The following SYCE1L variants were observed in gnomAD, a reference collection of about 807,000 sequenced individuals.
SYCE1L encodes the protein synaptonemal complex central element protein 1-like.
Under a neutral mutation model 39.6 loss-of-function variants are expected in SYCE1L, and 51 were observed. That is an observed-to-expected ratio of 1.29 (90% CI 1.03 to 1.63). The LOEUF (loss-of-function observed/expected upper bound fraction) is 1.63. Ranked by LOEUF, SYCE1L falls within the 40% of genes most tolerant of loss-of-function variation. The pLI is 0.00. For missense variants in SYCE1L, 426 were observed against 304.9 expected, an observed-to-expected ratio of 1.40 and a Z score of -2.96; for synonymous variants, 147 against 122.4, an observed-to-expected ratio of 1.20 and a Z score of -1.33.
At chr16:77,207,771 C>T (rs755656030) in intron 2 of SYCE1L, among the ~76,000 whole-genome samples, 66 of 152,246 alleles carry the variant, frequency 4.3e-4, no homozygotes, top group Non-Finnish European at 6.8e-4. Context: ...ACTTTGGACA[C>T]GTGCCTCACC....
In SYCE1L at chr16:77,213,009, G is replaced by C; in HGVS notation, c.*78G>C. Reference sequence around the variant, plus strand: ...AAGGCGATGATTTCCGACCATGCTCGCGTTCTCCGCGGAGTCTGTGCTACA... The same window carrying C: ...AAGGCGATGATTTCCGACCATGCTCCCGTTCTCCGCGGAGTCTGTGCTACA... On this transcript the variant is annotated 3_prime_UTR_variant, in exon 11 of 11. Transcript: ENST00000378644. 1 of 1,374,580 alleles carries C rather than the reference G, an allele frequency of 7.3e-7. No homozygotes were observed. The highest frequency in any genetic ancestry group is 9.6e-7 in the Non-Finnish European group (1 of 1,040,484). 85.1% of individuals were successfully genotyped at this position (1,374,580 alleles called of 1,614,324 possible).
At chr16:77,212,742 TG>T in intron 10 of SYCE1L, 96 bp downstream of exon 10, 3 of 1,428,508 alleles carry the variant, frequency 2.1e-6, no homozygotes, top group Non-Finnish European at 1.8e-6. Flanking sequence ...GTGGGGTCTG[TG>T]GGGAGCAGGG....
chr16:77,207,641 C>G (rs1323233767), intron 2 of SYCE1L, among the ~76,000 whole-genome samples: 1 of 152,192 alleles, frequency 6.6e-6, no homozygotes, highest in East Asian at 1.9e-4. Context: ...AGAGTTACAT[C>G]TAAAGGCTTC....
chr16:77,210,281 C>T (rs1005341429), intron 6 of SYCE1L, among the ~76,000 whole-genome samples: 49 of 152,164 alleles, frequency 3.2e-4, no homozygotes, highest in African/African-American at 1.0e-3. Context: ...TTAGGTGATC[C>T]TGCCCACCTT....
At chr16:77,200,278 A>G (rs868611599) in intron 1 of SYCE1L, 2 of 107,870 alleles carry the variant, frequency 1.9e-5, no homozygotes, top group Admixed American at 1.8e-4. Context: ...ATATGTGTAT[A>G]TATATATATA....
At position 77,207,234 on chromosome 16, in the gene SYCE1L, A is replaced by G. The variant is rs1057290484; in HGVS notation, c.121+734A>G. Among the ~76,000 whole-genome samples, 7 of 152,336 alleles carry G rather than the reference A, an allele frequency of 4.6e-5. No homozygotes were observed. The East Asian group carries it at 1.4e-3, about 29-fold the overall frequency. ...CACCCACTCTCCTGGAAATCACAGA[A>G]GCTGGAGTTGGTGACCTTGGAAAAA... On this transcript the variant is annotated intron_variant, in intron 2 of 10. Coordinates refer to ENST00000378644, the MANE Select transcript of SYCE1L (RefSeq NM_001129979.3).
intron 1 of SYCE1L, 137 bp downstream of exon 1, chr16:77,199,649 AAAAC>A: frequency 4.0e-6 from 3 of 754,234 alleles, no homozygotes; most frequent in South Asian, 2.0e-5. Context: ...TTATTGAAGA[AAAAC>A]AATTTTTTAA....
intron 2 of SYCE1L, 122 bp from the exon 3 acceptor site, chr16:77,208,088 C>A: frequency 9.9e-7 from 1 of 1,013,330 alleles, no homozygotes; most frequent in Non-Finnish European, 1.4e-6. Context: ...GAGCTCAACA[C>A]ACAGCAGGCG....
At chr16:77,203,949 T>C (rs2054766366) in intron 1 of SYCE1L, among the ~76,000 whole-genome samples, 2 of 152,144 alleles carry the variant, frequency 1.3e-5, no homozygotes, top group Admixed American at 1.3e-4. Flanking sequence ...CCCACCATTA[T>C]TAATTATGTC....
chr16:77,209,518 A>C, intron 6 of SYCE1L, 47 bp downstream of exon 6: 1 of 1,545,894 alleles, frequency 6.5e-7, no homozygotes, highest in Non-Finnish European at 8.8e-7. Flanking sequence ...CCCCAGCTGA[A>C]AAAGGAGGGA....
rs958858422 is a variant in SYCE1L, at chr16:77,199,531, C to A, written c.61+19C>A. 2.5e-5 allele frequency: 38 copies of A among 1,541,602 alleles called. No homozygotes were observed. The highest frequency in any genetic ancestry group is 3.3e-5 in the Non-Finnish European group (37 of 1,138,290). On this transcript the variant is annotated intron_variant, in intron 1 of 10. Coordinates refer to ENST00000378644, the MANE Select transcript of SYCE1L (RefSeq NM_001129979.3). ...GCTGAAGGTAGTGAGGGCAAGTGGG[C>A]TGCACTCCTTTCTCTCCAACCAGGG...
At chr16:77,211,339 T>C (rs531659304) in intron 7 of SYCE1L, 63 bp downstream of exon 7, 7 of 1,537,690 alleles carry the variant, frequency 4.6e-6, no homozygotes, top group Non-Finnish European at 6.2e-6. Flanking sequence ...TCGCACTGAC[T>C]GGCCCAGAGT....
In SYCE1L at chr16:77,199,458, G is replaced by A. The variant is rs1168096720; in HGVS notation, c.7G>A (p.Gly3Arg). ...GCAGGCCCCGCGTTGGAAAATGGCG[G>A]GGAAGCTGAAACCTCTGAATGTGGA... The part of the protein sequence containing the change: MA[G>R]KLKPLNVEAP... The change falls in exon 1 of 11, where the codon GGG becomes AGG. Residue 3 changes from glycine to arginine, a missense_variant. By Grantham distance (125) the Gly-to-Arg change is moderately radical (BLOSUM62 -2). Transcript: ENST00000378644. 10 of 1,551,422 alleles carry A rather than the reference G, an allele frequency of 6.4e-6. No individual in the cohort carries two copies. Among genetic ancestry groups the A allele is most frequent in the African/African-American group, 1.4e-5 (1 of 73,050 alleles).
intron 1 of SYCE1L, 159 bp downstream of exon 1, chr16:77,199,671 G>T: frequency 1.6e-6 from 1 of 610,264 alleles, no homozygotes; most frequent in South Asian, 2.3e-5. Flanking sequence ...TAACCGTTCA[G>T]CACAGTGGAG....
At chr16:77,209,548 A>C in intron 6 of SYCE1L, 77 bp downstream of exon 6, 1 of 1,480,740 alleles carries the variant, frequency 6.8e-7, no homozygotes, top group Non-Finnish European at 9.2e-7. Flanking sequence ...GTGGAAATGA[A>C]TCTTGGACAC....
rs2054832911 is a variant in SYCE1L, at chr16:77,212,607, G to A, written c.615G>A (p.Gln205=). The A allele has an allele frequency of 1.3e-6, 2 of 1,536,134 alleles. No individual in the cohort carries two copies. The highest frequency in any genetic ancestry group is 2.4e-5 in the South Asian group (2 of 84,024). ...CGGAGCTGGAGATATTCGGGGAGCA[G>A]GTCCGGAGCGCCCCCGAGGTCGGGG... The part of the protein sequence containing the change: ...LKAELEIFGE[Q]VRSAPEVGAG... The change falls in exon 10 of 11, where the codon CAG becomes CAA. Residue 205 remains glutamine, a synonymous_variant. Coordinates refer to ENST00000378644, the MANE Select transcript of SYCE1L (RefSeq NM_001129979.3).
In SYCE1L at chr16:77,212,963, C is replaced by T. The variant is rs1020692924; in HGVS notation, c.*32C>T. The T allele has an allele frequency of 2.7e-6, 4 of 1,466,718 alleles. No homozygotes were observed. Among genetic ancestry groups the T allele is most frequent in the African/African-American group, 1.4e-5 (1 of 69,622 alleles). 90.9% of individuals were successfully genotyped at this position (1,466,718 alleles called of 1,614,324 possible). A position where few individuals can be genotyped will look rare whatever the true frequency, so the allele number is the denominator to read the frequency against. On this transcript the variant is annotated 3_prime_UTR_variant, in exon 11 of 11. Coordinates refer to ENST00000378644, the MANE Select transcript of SYCE1L (RefSeq NM_001129979.3). Reference sequence around the variant, plus strand: ...AGGACCCGCCCGTTCCCGACCTTCCCTCGAGACCCGCCAAGAAATAAAGGC... The same window carrying T: ...AGGACCCGCCCGTTCCCGACCTTCCTTCGAGACCCGCCAAGAAATAAAGGC...
chr16:77,213,117 T>C lies in SYCE1L; in HGVS notation c.*186T>C, dbSNP rs983768603. ...CCCACCAGTCGAGCCCCGGGCGCCG[T>C]ACAGAGGCTGGGTAAATGCTCCTGA... On this transcript the variant is annotated 3_prime_UTR_variant, in exon 11 of 11. Transcript: ENST00000378644. The C allele has an allele frequency of 1.9e-6, 1 of 522,294 alleles. No individual in the cohort carries two copies. Among genetic ancestry groups the C allele is most frequent in the Non-Finnish European group, 3.1e-6 (1 of 322,262 alleles). The allele number at this position is 522,294 out of a possible 1,614,324, so 32.4% of individuals were successfully genotyped here.
At chr16:77,202,154 A>G (rs1003949380) in intron 1 of SYCE1L, 10 of 152,232 alleles carry the variant, frequency 6.6e-5, no homozygotes, top group South Asian at 2.1e-4. Flanking sequence ...CTATATTCAT[A>G]TTGGATCAGT....
Sources: gnomAD v4.1 joint callset for allele counts (sites outside exome capture counted in the v4.1 genomes callset) on GRCh38, gnomAD v4.1.1 for gene constraint, MANE v1.5 for transcripts, NCBI Gene and HGNC (gene_info 2026-07-23, HGNC 2026-07-21) for gene names.